Variants in BBX observed in about 807,000 individuals in gnomAD.
BBX encodes HMG box transcription factor BBX.
BBX carries 30 observed loss-of-function variants against 100.2 expected under a neutral mutation model. The observed-to-expected ratio is 0.30, with a 90% CI of 0.22 to 0.41. The LOEUF (loss-of-function observed/expected upper bound fraction) is 0.41. Among genes scored for constraint, BBX ranks in the 10% least tolerant of loss-of-function variants. The pLI is 1.00. For missense variants in BBX, 1,023 were observed against 1,129.8 expected, an observed-to-expected ratio of 0.91 and a Z score of 1.35; for synonymous variants, 376 against 388.1, an observed-to-expected ratio of 0.97 and a Z score of 0.37.
chr3:107,787,517 T>C (rs1356379322), intron 13 of BBX, among the ~76,000 whole-genome samples: 1 of 152,168 alleles, frequency 6.6e-6, no homozygotes, highest in Non-Finnish European at 1.5e-5. Flanking sequence ...GTAGTAGTAT[T>C]AAAAAGGTTT....
intron 2 of BBX, among the ~76,000 whole-genome samples, chr3:107,567,999 G>T (rs1328063158): frequency 6.6e-6 from 1 of 150,508 alleles, no homozygotes; most frequent in Non-Finnish European, 1.5e-5. Context: ...TCTCTTTCTT[G>T]GACCTCTCAG....
chr3:107,630,229 T>C (rs1319229114), intron 2 of BBX, among the ~76,000 whole-genome samples: 1 of 152,214 alleles, frequency 6.6e-6, no homozygotes, highest in Non-Finnish European at 1.5e-5. Context: ...GTTATCTGCA[T>C]ATTTTAAAGT....
At chr3:107,566,653 A>T (rs2050941132) in intron 2 of BBX, among the ~76,000 whole-genome samples, 1 of 147,892 alleles carries the variant, frequency 6.8e-6, no homozygotes, top group Non-Finnish European at 1.5e-5. Flanking sequence ...TTCTTTGGTC[A>T]GTTTTTATAA....
At chr3:107,710,936 A>G (rs1302654488) in intron 4 of BBX, among the ~76,000 whole-genome samples, 4 of 152,118 alleles carry the variant, frequency 2.6e-5, no homozygotes, top group African/African-American at 9.7e-5. Context: ...CTGACGTTCT[A>G]CCCTGTGGCT....
chr3:107,798,366 G>A (rs1221165610), intron 15 of BBX, among the ~76,000 whole-genome samples, 157 bp from the exon 16 acceptor site: 2 of 152,266 alleles, frequency 1.3e-5, no homozygotes, highest in African/African-American at 2.4e-5. Context: ...CAAGTTAGGG[G>A]CAACGTTTTA....
At chr3:107,561,757 G>A (rs550950010) in intron 2 of BBX, among the ~76,000 whole-genome samples, 1 of 152,166 alleles carries the variant, frequency 6.6e-6, no homozygotes, top group African/African-American at 2.4e-5. Context: ...AAAATGGAGG[G>A]TCTCAATTTC....
chr3:107,637,830 G>T (rs2056942474), intron 2 of BBX, among the ~76,000 whole-genome samples: 1 of 152,064 alleles, frequency 6.6e-6, no homozygotes, highest in African/African-American at 2.4e-5. Flanking sequence ...CTTCCCTGAT[G>T]GACTCTAAGG....
intron 2 of BBX, among the ~76,000 whole-genome samples, chr3:107,597,698 T>C (rs2053758570): frequency 6.6e-6 from 1 of 152,206 alleles, no homozygotes; most frequent in African/African-American, 2.4e-5. Flanking sequence ...AGCTGACAAC[T>C]CAATTAGGTC....
At chr3:107,697,209 T>C (rs569410119) in intron 3 of BBX, among the ~76,000 whole-genome samples, 1 of 152,046 alleles carries the variant, frequency 6.6e-6, no homozygotes, top group Non-Finnish European at 1.5e-5. Flanking sequence ...GTCAAAGTCA[T>C]TCTCCGTCCA....
chr3:107,740,230 TA>T (rs2107581970), intron 7 of BBX, among the ~76,000 whole-genome samples: 1 of 152,176 alleles, frequency 6.6e-6, no homozygotes, highest in Non-Finnish European at 1.5e-5. Flanking sequence ...TGGAATCCTC[TA>T]CCCCAAAACC....
chr3:107,753,396 TCC>T (rs554384379), intron 9 of BBX, among the ~76,000 whole-genome samples: 191 of 151,984 alleles, frequency 1.3e-3, no homozygotes, highest in African/African-American at 4.4e-3. Context: ...ATGTTGAACC[TCC>T]CCCCACACAT....
intron 3 of BBX, among the ~76,000 whole-genome samples, chr3:107,701,010 C>T (rs1310225705): frequency 1.3e-5 from 2 of 151,788 alleles, no homozygotes; most frequent in East Asian, 1.9e-4. Flanking sequence ...CCTGAGGGAT[C>T]GCCACACTGA....
intron 2 of BBX, among the ~76,000 whole-genome samples, chr3:107,600,878 G>A (rs1164278050): frequency 6.6e-6 from 1 of 151,982 alleles, no homozygotes; most frequent in Non-Finnish European, 1.5e-5. Flanking sequence ...TTGCTTTACT[G>A]TGCTTCACTT....
chr3:107,768,155 A>G (rs1376464215), intron 10 of BBX, among the ~76,000 whole-genome samples: 1 of 152,096 alleles, frequency 6.6e-6, no homozygotes. Flanking sequence ...TAACTAACCT[A>G]TTCCCTGCCT....
In BBX at chr3:107,728,919, C is replaced by T. The variant is rs765326590; in HGVS notation, c.560C>T (p.Ala187Val). ...SSRDLPSPKK[A>V]KTEEMPQLNF... ...AGAGACTTGCCAAGCCCCAAGAAAG[C>T]AAAGACTGAAGAAATGCCTCAGCTT... Residue 187 changes from alanine (A) to valine (V), a missense_variant, in exon 6 of 18, where the codon GCA becomes GTA. By Grantham distance (64) the Ala-to-Val change is moderately conservative. Coordinates refer to ENST00000325805, the MANE Select transcript of BBX (RefSeq NM_001142568.3). The T allele has an allele frequency of 3.3e-5, 53 of 1,613,528 alleles. No homozygotes were observed. Among genetic ancestry groups the T allele is most frequent in the Non-Finnish European group, 3.6e-5 (42 of 1,179,774 alleles).
intron 2 of BBX, among the ~76,000 whole-genome samples, chr3:107,631,418 C>T (rs764639753): frequency 1.3e-5 from 2 of 152,042 alleles, no homozygotes; most frequent in Non-Finnish European, 2.9e-5. Flanking sequence ...TTCAAAGTGT[C>T]AAGTAAGTCT....
intron 4 of BBX, among the ~76,000 whole-genome samples, chr3:107,715,019 C>T (rs1022326090): frequency 3.3e-5 from 5 of 152,102 alleles, no homozygotes; most frequent in Non-Finnish European, 1.5e-5. Flanking sequence ...CTCTTGACCT[C>T]ATGATCCTCC....
chr3:107,672,960 C>A (rs1404982591), intron 3 of BBX, among the ~76,000 whole-genome samples: 6 of 151,980 alleles, frequency 3.9e-5, no homozygotes, highest in African/African-American at 1.4e-4. Flanking sequence ...TTTGTACTAG[C>A]CCCAGCTCTT....
At chr3:107,749,557 A>G (rs2064898135) in intron 9 of BBX, among the ~76,000 whole-genome samples, 2 of 152,200 alleles carry the variant, frequency 1.3e-5, no homozygotes, top group African/African-American at 4.8e-5. Flanking sequence ...CTTAACTTAA[A>G]ATACCAGTAT....
Sources: allele counts gnomAD v4.1 joint callset (sites outside exome capture counted in the v4.1 genomes callset), GRCh38; gene constraint gnomAD v4.1.1; transcripts MANE v1.5; gene names NCBI Gene and HGNC (gene_info 2026-07-23, HGNC 2026-07-21).